The following CACNG3 variants were observed in gnomAD, a reference collection of about 807,000 sequenced individuals.
CACNG3 encodes voltage-dependent calcium channel gamma-3 subunit.
In CACNG3, 3 loss-of-function variants were observed where a neutral mutation model predicts 28.5. The ratio of observed to expected loss-of-function variants is 0.11; its 90% CI spans 0.05 to 0.27. The LOEUF (loss-of-function observed/expected upper bound fraction) is 0.27, where lower values mean the gene tolerates loss of function less well. CACNG3 is among the 10% of genes least tolerant of loss of function. The pLI is 1.00. For missense variants in CACNG3, 236 were observed against 414.4 expected (o/e 0.57, Z 3.74); for synonymous variants, 174 against 162.2 (o/e 1.07, Z -0.55).
chr16:24,312,882 AAAAG>A (rs1465968073), intron 1 of CACNG3, among the ~76,000 whole-genome samples: 8 of 150,240 alleles, frequency 5.3e-5, no homozygotes, highest in African/African-American at 2.0e-4. Context: ...GGAAAGAAAA[AAAAG>A]AAAGAAAAGG....
chr16:24,291,121 C>T (rs1214309047), intron 1 of CACNG3, among the ~76,000 whole-genome samples: 1 of 152,172 alleles, frequency 6.6e-6, no homozygotes, highest in Non-Finnish European at 1.5e-5. Flanking sequence ...ATAGTACCTC[C>T]CTCATAGGGT....
chr16:24,312,955 G>GAAAAAGAAAGAGAA (rs376780380), intron 1 of CACNG3, among the ~76,000 whole-genome samples: 1 of 110,806 alleles, frequency 9.0e-6, no homozygotes, highest in Non-Finnish European at 1.8e-5. Flanking sequence ...AAGAAAGAAA[G>GAAAAAGAAAGAGAA]AGAAAGAAAG....
intron 1 of CACNG3, among the ~76,000 whole-genome samples, chr16:24,315,567 TTCTTTCTTTCTTC>T (rs1336677742): frequency 1.3e-5 from 2 of 151,720 alleles, no homozygotes; most frequent in African/African-American, 4.8e-5. Context: ...TTTCTTTCTT[TTCTTTCTTTCTTC>T]TCTTTCTTTA....
At position 24,361,610 on chromosome 16, in the gene CACNG3, G is replaced by A. The variant is rs1265586977; in HGVS notation, c.695G>A (p.Arg232Gln). The change falls in exon 4 of 4, where the codon CGG becomes CAG. Residue 232 changes from arginine (R) to glutamine (Q), a missense_variant. By Grantham distance (43) the Arg-to-Gln change is conservative (BLOSUM62 1). Coordinates refer to ENST00000005284, the MANE Select transcript of CACNG3 (RefSeq NM_006539.4). This position sits in a 1 kb window ranked among gnomAD's most constrained non-coding sequence, Gnocchi z 6.8. ...ARLPPYRYRFRRRSSSRSTEP... is the reference protein window; with the variant it reads ...ARLPPYRYRFQRRSSSRSTEP... ...CTCCCACCCTACAGGTATCGATTCC[G>A]GAGGCGGTCAAGTTCTCGCTCCACC... 1.9e-6 allele frequency: 3 copies of A among 1,613,298 alleles called. No individual in the cohort carries two copies. The highest frequency in any genetic ancestry group is 2.2e-5 in the East Asian group (1 of 44,844).
At chr16:24,310,207 C>T (rs1383713275) in intron 1 of CACNG3, among the ~76,000 whole-genome samples, 1 of 152,158 alleles carries the variant, frequency 6.6e-6, no homozygotes, top group East Asian at 1.9e-4. Context: ...GTTTGAAAGT[C>T]AGAGAAAAGA....
intron 1 of CACNG3, among the ~76,000 whole-genome samples, chr16:24,342,814 C>G (rs1217920386): frequency 6.6e-6 from 1 of 151,690 alleles, no homozygotes; most frequent in Non-Finnish European, 1.5e-5. Context: ...TTTTTTTCAA[C>G]TATCTAAATA....
intron 1 of CACNG3, among the ~76,000 whole-genome samples, chr16:24,305,419 G>A (rs993548940): frequency 6.7e-5 from 10 of 149,384 alleles, no homozygotes; most frequent in Non-Finnish European, 1.5e-4. Context: ...AGTGGAATAG[G>A]GTGATCATAG....
chr16:24,270,897 G>C (rs920813566), intron 1 of CACNG3, among the ~76,000 whole-genome samples: 3 of 152,194 alleles, frequency 2.0e-5, no homozygotes, highest in Non-Finnish European at 4.4e-5. Flanking sequence ...GCTCACTGGG[G>C]GATGGGCATT....
chr16:24,271,717 T>A (rs2141347609), intron 1 of CACNG3, among the ~76,000 whole-genome samples: 1 of 152,274 alleles, frequency 6.6e-6, no homozygotes, highest in Non-Finnish European at 1.5e-5. Flanking sequence ...CTGTCTTTGG[T>A]AAGCTCACAA....
At chr16:24,316,084 A>G (rs970575358) in intron 1 of CACNG3, among the ~76,000 whole-genome samples, 3 of 151,720 alleles carry the variant, frequency 2.0e-5, no homozygotes, top group Non-Finnish European at 2.9e-5. Flanking sequence ...TATTATCCCT[A>G]TTTCACAGAG....
chr16:24,266,520 C>T (rs1898610565), intron 1 of CACNG3, among the ~76,000 whole-genome samples: 1 of 151,988 alleles, frequency 6.6e-6, no homozygotes, highest in African/African-American at 2.4e-5. Context: ...CAAGAAATGC[C>T]AGAAAAACAC....
chr16:24,283,744 T>G (rs1474148734), intron 1 of CACNG3, among the ~76,000 whole-genome samples: 3 of 152,212 alleles, frequency 2.0e-5, no homozygotes, highest in Non-Finnish European at 4.4e-5. Flanking sequence ...GGATATCTCA[T>G]GAACAGTGTT....
intron 2 of CACNG3, among the ~76,000 whole-genome samples, chr16:24,350,494 G>T (rs921585076): frequency 7.2e-5 from 11 of 151,978 alleles, no homozygotes; most frequent in South Asian, 2.1e-4. Flanking sequence ...TAGAGTTGGG[G>T]TCCCCCTGTG....
At chr16:24,345,775 G>A (rs942579651) in intron 1 of CACNG3, among the ~76,000 whole-genome samples, 2 of 152,176 alleles carry the variant, frequency 1.3e-5, no homozygotes, top group African/African-American at 4.8e-5. Flanking sequence ...GCTCCCAAAG[G>A]GGTGAACCTC....
chr16:24,261,955 C>T (rs1898542521), intron 1 of CACNG3, among the ~76,000 whole-genome samples: 1 of 152,144 alleles, frequency 6.6e-6, no homozygotes, highest in African/African-American at 2.4e-5. Context: ...GAGGAAAAGA[C>T]ATAACATTTA....
At chr16:24,257,368 G>GGGGGAGAGA (rs1287474223) in intron 1 of CACNG3, among the ~76,000 whole-genome samples, 1 of 52,864 alleles carries the variant, frequency 1.9e-5, no homozygotes, top group Non-Finnish European at 3.5e-5. Context: ...AAGTGAGGGG[G>GGGGGAGAGA]GAGAGAGAGA....
chr16:24,345,519 G>A (rs879766594), intron 1 of CACNG3, among the ~76,000 whole-genome samples: 9 of 151,968 alleles, frequency 5.9e-5, no homozygotes, highest in Non-Finnish European at 1.0e-4. Context: ...TGGTCAACAT[G>A]GTGAAACCCA....
chr16:24,335,894 G>A (rs1161001208), intron 1 of CACNG3, among the ~76,000 whole-genome samples: 5 of 151,446 alleles, frequency 3.3e-5, no homozygotes, highest in African/African-American at 9.7e-5. Flanking sequence ...AGCCAACATG[G>A]TGAAACCTTG....
At position 24,306,454 on chromosome 16, in the gene CACNG3, C is replaced by T. The variant is rs1859198; in HGVS notation, c.212-40280C>T. Among the ~76,000 whole-genome samples the T allele has an allele frequency of 8.8e-3, 1,343 of 152,252 alleles. 28 individuals carry two copies. Among genetic ancestry groups the T allele is most frequent in the African/African-American group, 0.03 (1,235 of 41,546 alleles). ...GGCACTGACCCCAAAAGACAGGGGA[C>T]GCCTGGCAGTTAGGGGCTCTTTCCC... On this transcript the variant is annotated intron_variant, in intron 1 of 3. Coordinates refer to ENST00000005284, the MANE Select transcript of CACNG3 (RefSeq NM_006539.4).
Sources: gnomAD v4.1 joint callset for allele counts (sites outside exome capture counted in the v4.1 genomes callset) on GRCh38, gnomAD v4.1.1 for gene constraint, Gnocchi (gnomAD v3.1) non-coding constraint, MANE v1.5 for transcripts, NCBI Gene and HGNC (gene_info 2026-07-23, HGNC 2026-07-21) for gene names.